The following CSMD3 variants were observed in gnomAD, a reference collection of about 807,000 sequenced individuals.
CSMD3 encodes CUB and Sushi multiple domains 3.
In CSMD3, 177 loss-of-function variants were observed where a neutral mutation model predicts 435.2. The observed-to-expected ratio is 0.41, with a 90% CI of 0.36 to 0.46. CSMD3 has a LOEUF of 0.46. CSMD3 is among the 20% of genes least tolerant of loss of function. The pLI is 0.34. For synonymous variants in CSMD3, 1,656 were observed against 1,520.5 expected (o/e 1.09, Z -2.07); for missense variants, 4,265 against 4,504.6 (o/e 0.95, Z 1.52).
intron 18 of CSMD3, among the ~76,000 whole-genome samples, chr8:112,651,968 C>A (rs1451185886): frequency 6.6e-6 from 1 of 152,180 alleles, no homozygotes; most frequent in Non-Finnish European, 1.5e-5. Context: ...CCAAGGCCCT[C>A]ATCACCTCAA....
intron 10 of CSMD3, among the ~76,000 whole-genome samples, chr8:112,905,030 A>C (rs10097475): frequency 0.4 from 60,261 of 150,904 alleles, 12,175 homozygotes; most frequent in Admixed American, 0.43. Context: ...GTTCCAGCCT[A>C]TGACATTCAG....
chr8:113,033,440 C>T (rs1365629238), intron 5 of CSMD3, among the ~76,000 whole-genome samples: 1 of 151,594 alleles, frequency 6.6e-6, no homozygotes, highest in Non-Finnish European at 1.5e-5. Context: ...TTAATGACTG[C>T]CCCAACAGGG....
intron 64 of CSMD3, among the ~76,000 whole-genome samples, chr8:112,244,852 A>C (rs577929080): frequency 6.6e-6 from 1 of 152,070 alleles, no homozygotes; most frequent in African/African-American, 2.4e-5. Flanking sequence ...CTAAGCTCAG[A>C]AATGTATGCT....
intron 1 of CSMD3, among the ~76,000 whole-genome samples, chr8:113,360,114 T>C (rs1274701289): frequency 1.3e-5 from 2 of 152,200 alleles, no homozygotes; most frequent in African/African-American, 4.8e-5. Flanking sequence ...TTACTGTATA[T>C]AGTGTCTGTT....
chr8:113,195,307 G>A lies in CSMD3; in HGVS notation c.515-21391C>T, dbSNP rs1376424911. Among the ~76,000 whole-genome samples, 4 of 149,156 alleles carry A rather than the reference G, an allele frequency of 2.7e-5. No individual in the cohort carries two copies. The East Asian group carries it at 7.9e-4, about 30-fold the overall frequency. On this transcript the variant is annotated intron_variant, in intron 3 of 70. Transcript: ENST00000297405. ...AATACATGTGATGTTGAAGTCTCTG[G>A]AACAGAAGCAGACTATTGAAAGAGC...
chr8:112,945,288 T>G (rs2083568433), intron 9 of CSMD3, among the ~76,000 whole-genome samples: 2 of 151,732 alleles, frequency 1.3e-5, no homozygotes, highest in African/African-American at 2.4e-5. Context: ...AAATCTCCAC[T>G]GTCTTTCACT....
intron 2 of CSMD3, chr8:113,309,298 T>A (rs1358856345): frequency 1.3e-5 from 2 of 152,158 alleles, no homozygotes; most frequent in African/African-American, 4.8e-5. Context: ...GTATACTGCA[T>A]GATGCCAAGC....
intron 28 of CSMD3, among the ~76,000 whole-genome samples, chr8:112,509,785 A>G (rs1487711113): frequency 1.3e-5 from 2 of 152,196 alleles, no homozygotes; most frequent in Admixed American, 6.5e-5. Flanking sequence ...CTTGTTGACC[A>G]TATGTAAACT....
rs551721880 is a variant in CSMD3, at chr8:113,046,475, G to A, written c.918-27296C>T. On this transcript the variant is annotated intron_variant, in intron 5 of 70. Transcript: ENST00000297405. ...CCTCTGAGAGTTCTGAAGTCCGCGG[G>A]CCTGAGAGGAACGCAAAACTCCCTC... 1.9e-4 allele frequency among the ~76,000 whole-genome samples: 24 copies of A among 128,190 alleles called. 1 individual carries two copies. The East Asian group carries it at 4.1e-3, about 22-fold the overall frequency. 84.1% of individuals were successfully genotyped at this position (128,190 alleles called of 152,430 possible).
intron 8 of CSMD3, among the ~76,000 whole-genome samples, chr8:112,948,881 A>G (rs1219173918): frequency 6.6e-6 from 1 of 151,988 alleles, no homozygotes; most frequent in Non-Finnish European, 1.5e-5. Context: ...AATCTATGGT[A>G]GGACTCTGGC....
intron 13 of CSMD3, among the ~76,000 whole-genome samples, chr8:112,777,691 A>G (rs933626764): frequency 1.3e-5 from 2 of 151,790 alleles, no homozygotes; most frequent in African/African-American, 4.8e-5. Context: ...CTAGGGATAT[A>G]TCAAGCAGAA....
chr8:112,549,040 G>C (rs745570008), intron 27 of CSMD3, among the ~76,000 whole-genome samples: 2 of 152,012 alleles, frequency 1.3e-5, no homozygotes, highest in Non-Finnish European at 2.9e-5. Flanking sequence ...AACCAGATAA[G>C]GTTGAGTGTA....
intron 17 of CSMD3, among the ~76,000 whole-genome samples, chr8:112,657,573 A>T (rs963051241): frequency 1.5e-4 from 23 of 152,116 alleles, no homozygotes; most frequent in African/African-American, 5.3e-4. Context: ...CATCTATTTT[A>T]AAAAAATAGC....
chr8:112,684,056 T>C (rs1463579965), intron 15 of CSMD3, among the ~76,000 whole-genome samples: 1 of 151,870 alleles, frequency 6.6e-6, no homozygotes, highest in Non-Finnish European at 1.5e-5. Context: ...CATTATCAAT[T>C]AAATTATTTA....
chr8:112,456,965 G>A (rs944541774), intron 32 of CSMD3, among the ~76,000 whole-genome samples: 3 of 152,028 alleles, frequency 2.0e-5, no homozygotes, highest in African/African-American at 7.2e-5. Context: ...GTGTTCCTGA[G>A]AAATTATAGG....
At chr8:112,780,298 A>G (rs1201958547) in intron 13 of CSMD3, among the ~76,000 whole-genome samples, 1 of 152,112 alleles carries the variant, frequency 6.6e-6, no homozygotes, top group Non-Finnish European at 1.5e-5. Context: ...TAGGAACTAT[A>G]AGAGAAGTCA....
At chr8:112,361,078 A>T (rs1827155041) in intron 38 of CSMD3, among the ~76,000 whole-genome samples, 1 of 151,906 alleles carries the variant, frequency 6.6e-6, no homozygotes, top group Non-Finnish European at 1.5e-5. Context: ...CAATAAGAGA[A>T]TTTTTTTGTA....
intron 3 of CSMD3, among the ~76,000 whole-genome samples, chr8:113,209,333 T>C (rs1445076859): frequency 5.9e-5 from 9 of 152,164 alleles, no homozygotes; most frequent in Admixed American, 4.6e-4. Flanking sequence ...TTAGTAATTA[T>C]ACTATGGTAC....
At chr8:112,759,109 T>C (rs2077772788) in intron 13 of CSMD3, among the ~76,000 whole-genome samples, 1 of 152,130 alleles carries the variant, frequency 6.6e-6, no homozygotes, top group Admixed American at 6.5e-5. Flanking sequence ...ACACAAGCTT[T>C]GGTTTAATTA....
Sources: gnomAD v4.1 joint callset for allele counts (sites outside exome capture counted in the v4.1 genomes callset) on GRCh38, gnomAD v4.1.1 for gene constraint, MANE v1.5 for transcripts, NCBI Gene and HGNC (gene_info 2026-07-23, HGNC 2026-07-21) for gene names.